Variants in NCAPG2 observed in about 807,000 individuals in gnomAD.
NCAPG2 encodes the protein non-SMC condensin II complex subunit G2.
Under a neutral mutation model 141.1 loss-of-function variants are expected in NCAPG2, and 53 were observed. The observed-to-expected ratio is 0.38, with a 90% confidence interval of 0.30 to 0.47. The LOEUF is 0.47. Ranked by LOEUF, NCAPG2 falls within the 20% of genes least tolerant of loss-of-function variation. The probability of loss-of-function intolerance (pLI) is 0.99; values close to 1 mark genes in which losing one functional copy is unlikely to be tolerated. For synonymous variants in NCAPG2, 499 were observed against 490.7 expected, an observed-to-expected ratio of 1.02 and a Z score of -0.22; for missense variants, 1,087 against 1,389.0, an observed-to-expected ratio of 0.78 and a Z score of 3.46.
chr7:158,644,101 G>C (rs1162793645), intron 27 of NCAPG2, among the ~76,000 whole-genome samples, 188 bp downstream of exon 27: 1 of 152,210 alleles, frequency 6.6e-6, no homozygotes. Flanking sequence ...TGTTTTTGAA[G>C]ACAGAATTAG....
chr7:158,683,852 G>C (rs1834591876), intron 8 of NCAPG2, among the ~76,000 whole-genome samples: 1 of 152,230 alleles, frequency 6.6e-6, no homozygotes. Context: ...GGCCACTGTT[G>C]ACAAGGGCTG....
chr7:158,651,047 A>G, intron 23 of NCAPG2, 75 bp from the exon 24 acceptor site: 2 of 1,427,492 alleles, frequency 1.4e-6, no homozygotes, highest in East Asian at 2.6e-5. Context: ...ACACTTTAAA[A>G]TAAGTATTCT....
At chr7:158,659,725 A>C (rs1297619629) in intron 16 of NCAPG2, among the ~76,000 whole-genome samples, 1 of 152,176 alleles carries the variant, frequency 6.6e-6, no homozygotes, top group Non-Finnish European at 1.5e-5. Flanking sequence ...ATACATATGA[A>C]ACAGAAACAA....
In NCAPG2 at chr7:158,680,833, G is replaced by T. The variant is rs377200217; in HGVS notation, c.925-17C>A. Reference sequence around the variant, plus strand: ...ACTCAGAACCTAAGGACCAAAAAAAGGAAAAGGAAGGCATTAACAAAAAAA... The same window carrying T: ...ACTCAGAACCTAAGGACCAAAAAAATGAAAAGGAAGGCATTAACAAAAAAA... On this transcript the variant is annotated splice_polypyrimidine_tract_variant and intron_variant, in intron 9 of 27. Transcript: ENST00000356309. 2.7e-5 allele frequency: 41 copies of T among 1,519,186 alleles called. No homozygotes were observed. The highest frequency in any genetic ancestry group is 1.7e-4 in the Middle Eastern group (1 of 5,750). 94.1% of individuals were successfully genotyped at this position (1,519,186 alleles called of 1,614,324 possible).
intron 1 of NCAPG2, chr7:158,702,488 C>G (rs1408678402): frequency 6.6e-6 from 1 of 152,292 alleles, no homozygotes; most frequent in Non-Finnish European, 1.5e-5. Flanking sequence ...CCCACCCCTT[C>G]GGGATAATGA....
rs1442408532 is a variant in NCAPG2, at chr7:158,687,404, G to C, written c.711C>G (p.Ile237Met). The change falls in exon 7 of 28, where the codon ATC becomes ATG. Residue 237 changes from isoleucine to methionine, a missense_variant. Coordinates refer to ENST00000356309, the MANE Select transcript of NCAPG2 (RefSeq NM_017760.7). Reference sequence around the variant, plus strand: ...TCCCGTGGATCATTTTGATGAAGTTGATATTCCAGTTGAAGAGACAACTAA... The same window carrying C: ...TCCCGTGGATCATTTTGATGAAGTTCATATTCCAGTTGAAGAGACAACTAA... ...RFLSCLFNWN[I>M]NFIKMIHGTI... The C allele has an allele frequency of 6.2e-7, 1 of 1,610,636 alleles. No individual in the cohort carries two copies. The highest frequency in any genetic ancestry group is 8.5e-7 in the Non-Finnish European group (1 of 1,178,316).
intron 1 of NCAPG2, chr7:158,703,586 A>C (rs1330935963): frequency 6.6e-6 from 1 of 152,168 alleles, no homozygotes; most frequent in African/African-American, 2.4e-5. Context: ...TTCTTGTACC[A>C]TATGTGCATA....
At chr7:158,666,913 G>C (rs921401426) in intron 13 of NCAPG2, among the ~76,000 whole-genome samples, 2 of 152,144 alleles carry the variant, frequency 1.3e-5, no homozygotes, top group African/African-American at 2.4e-5. Context: ...TCCTTCTAGA[G>C]CTGCATGTAC....
chr7:158,678,641 T>G (rs1467600712), intron 11 of NCAPG2, among the ~76,000 whole-genome samples: 3 of 150,216 alleles, frequency 2.0e-5, no homozygotes, highest in Non-Finnish European at 4.4e-5. Context: ...TGAGTGATGA[T>G]CACGCCACTG....
At chr7:158,640,523 ACT>A (rs1439166399) in intron 27 of NCAPG2, 1 of 152,190 alleles carries the variant, frequency 6.6e-6, no homozygotes, top group Admixed American at 6.5e-5. Context: ...ACAGAGCAAG[ACT>A]CTGTCTCAAA....
In NCAPG2 at chr7:158,693,411, C is replaced by A. The variant is rs547669473; in HGVS notation, c.165G>T (p.Lys55Asn). Reference protein sequence around the residue: ...KQKEELWQRLKNLLTDVLLES... With the variant: ...KQKEELWQRLNNLLTDVLLES... ...CTAACAACACATCTGTCAATAAATT[C>A]TTCAGCCTTTGCCATAATTCTTCTT... Residue 55 changes from lysine (K) to asparagine (N), a missense_variant, in exon 3 of 28, where the codon AAG (lysine) becomes AAT (asparagine). Transcript: ENST00000356309. The A allele has an allele frequency of 3.6e-5, 58 of 1,614,100 alleles. No homozygotes were observed. Among genetic ancestry groups the A allele is most frequent in the South Asian group, 1.6e-4 (15 of 91,084 alleles).
At chr7:158,672,312 ATATATATATATATATATTTTTTTTTTT>A in intron 12 of NCAPG2, among the ~76,000 whole-genome samples, 1 of 38,506 alleles carries the variant, frequency 2.6e-5, no homozygotes, top group African/African-American at 8.2e-5. Flanking sequence ...ATATATATAT[ATATATATATATATATATTTTTTTTTTT>A]TTTTTTTTTT....
intron 24 of NCAPG2, 78 bp downstream of exon 24, chr7:158,650,754 G>C: frequency 6.8e-7 from 1 of 1,466,580 alleles, no homozygotes; most frequent in East Asian, 2.5e-5. Context: ...GAGAAACGTA[G>C]AGAATGTACT....
At chr7:158,660,823 G>A (rs1202649816) in intron 16 of NCAPG2, among the ~76,000 whole-genome samples, 1 of 152,152 alleles carries the variant, frequency 6.6e-6, no homozygotes, top group African/African-American at 2.4e-5. Flanking sequence ...GAGGGACACG[G>A]TGGTAGGTAA....
rs576405457 is a variant in NCAPG2, at chr7:158,680,923, G to C, written c.925-107C>G. On this transcript the variant is annotated intron_variant, in intron 9 of 27. Transcript: ENST00000356309. ...GGGAGAATTGTTCTCTCCACCACAA[G>C]TAGGCTCTGGCTGGCATCCACATGT... 2.0e-4 allele frequency: 151 copies of C among 757,996 alleles called. No homozygotes were observed. In the African/African-American group the frequency reaches 2.3e-3, roughly 12 times the overall value. The allele number at this position is 757,996 out of a possible 1,614,324, so 47.0% of individuals were successfully genotyped here.
intron 4 of NCAPG2, 83 bp from the exon 5 acceptor site, chr7:158,690,805 T>C: frequency 7.9e-7 from 1 of 1,269,410 alleles, no homozygotes. Flanking sequence ...ATCATGACTT[T>C]ATATATTATT....
chr7:158,658,326 C>T lies in NCAPG2; in HGVS notation c.2060+12G>A, dbSNP rs1563522316. On this transcript the variant is annotated intron_variant, in intron 17 of 27. Transcript: ENST00000356309. ...CCTACTTTTCTACCGTACCAAAAAA[C>T]AGAGCAAATACCTGAATGGGGGGAC... The T allele has an allele frequency of 3.7e-6, 6 of 1,601,680 alleles. No individual in the cohort carries two copies. Among genetic ancestry groups the T allele is most frequent in the East Asian group, 2.2e-5 (1 of 44,728 alleles).
chr7:158,692,665 C>T (rs560487723), intron 4 of NCAPG2, among the ~76,000 whole-genome samples, 177 bp downstream of exon 4: 3 of 152,258 alleles, frequency 2.0e-5, no homozygotes, highest in South Asian at 2.1e-4. Context: ...CGCTTGAACC[C>T]GGGAGGCGGA....
At chr7:158,639,949 T>C in intron 27 of NCAPG2, 3 of 590,756 alleles carry the variant, frequency 5.1e-6, no homozygotes, top group Non-Finnish European at 6.3e-6. Flanking sequence ...TTAACATGTA[T>C]AATAAGAATT....
Sources: allele counts gnomAD v4.1 joint callset (sites outside exome capture counted in the v4.1 genomes callset), GRCh38; gene constraint gnomAD v4.1.1; transcripts MANE v1.5; gene names NCBI Gene and HGNC (gene_info 2026-07-23, HGNC 2026-07-21).